The following LDHB variants were observed in gnomAD, a reference collection of about 807,000 sequenced individuals.
LDHB encodes the protein L-lactate dehydrogenase B chain.
A neutral mutation model predicts 33.4 loss-of-function variants in LDHB; 18 were observed. That is an observed-to-expected ratio of 0.54 (90% CI 0.37 to 0.80). The LOEUF is 0.80. Ranked by LOEUF, LDHB falls within the 30% of genes least tolerant of loss-of-function variation. LDHB has a pLI of 0.00. For synonymous variants in LDHB, 121 were observed against 140.6 expected (o/e 0.86, Z 0.98); for missense variants, 345 against 407.9 (o/e 0.85, Z 1.33).
At chr12:21,637,998 A>C (rs1938263001) in intron 6 of LDHB, among the ~76,000 whole-genome samples, 1 of 152,038 alleles carries the variant, frequency 6.6e-6, no homozygotes, top group Non-Finnish European at 1.5e-5. Context: ...ATCAGCAAGC[A>C]AGTTTATTTA....
rs1292923822 is a variant in LDHB at position 21,654,598 on chromosome 12, G to C, written c.74C>G (p.Thr25Ser). The change falls in exon 2 of 8, where the codon ACT (threonine) becomes AGT (serine). Residue 25 changes from threonine to serine, a missense_variant. Thr to Ser is a moderately conservative substitution (Grantham distance 58, BLOSUM62 1). Transcript: ENST00000350669. ...ACCAACTTGTCCAACACCCACTACA[G>C]TGATCTTATTGTTTGGAACTGTTGC... ...EEATVPNNKI[T>S]VVGVGQVGMA... 1.2e-6 allele frequency: 2 copies of C among 1,614,018 alleles called. No individual in the cohort carries two copies. Among genetic ancestry groups the C allele is most frequent in the East Asian group, 2.2e-5 (1 of 44,878 alleles).
At chr12:21,637,817 A>T (rs1677131) in intron 6 of LDHB, among the ~76,000 whole-genome samples, 143,662 of 151,998 alleles carry the variant, frequency 0.95, 68,397 homozygotes, top group East Asian at 1. Flanking sequence ...TCACTTGTAA[A>T]ATAAAGGTAT....
intron 3 of LDHB, among the ~76,000 whole-genome samples, chr12:21,645,826 C>A (rs1242162112): frequency 6.6e-6 from 1 of 152,036 alleles, no homozygotes; most frequent in Non-Finnish European, 1.5e-5. Flanking sequence ...TTCCCTCGGC[C>A]CACTTTTTCT....
rs575687969 is a variant in LDHB at position 21,641,047 on chromosome 12, A to G, written c.595+905T>C. Among the ~76,000 whole-genome samples, 2 of 152,302 alleles carry G rather than the reference A, an allele frequency of 1.3e-5. 1 individual carries two copies. The highest frequency in any genetic ancestry group is 4.8e-5 in the African/African-American group (2 of 41,576). On this transcript the variant is annotated intron_variant, in intron 5 of 7. Transcript: ENST00000350669. ...TGATGGAATTAGTAGATCATGTTTGACAACTATCATGGTAATTTATTCAAC... is the reference window on the plus strand; with the variant it reads ...TGATGGAATTAGTAGATCATGTTTGGCAACTATCATGGTAATTTATTCAAC...
At chr12:21,646,229 G>A (rs974331289) in intron 3 of LDHB, among the ~76,000 whole-genome samples, 2 of 152,196 alleles carry the variant, frequency 1.3e-5, no homozygotes, top group African/African-American at 2.4e-5. Flanking sequence ...AGCTGTGCAG[G>A]CCCTGCCAGA....
chr12:21,645,284 G>T (rs996762459), intron 3 of LDHB, among the ~76,000 whole-genome samples: 1 of 152,138 alleles, frequency 6.6e-6, no homozygotes, highest in Admixed American at 6.5e-5. Context: ...ATTGTCCAAG[G>T]TTTCTCCCCA....
rs1938597391 is a variant in LDHB at position 21,648,683 on chromosome 12, C to A, written c.130-1667G>T. Among the ~76,000 whole-genome samples, 3 of 152,110 alleles carry A rather than the reference C, an allele frequency of 2.0e-5. No homozygotes were observed. In the East Asian group the frequency reaches 5.8e-4, roughly 29 times the overall value. ...GGAGACAGTCAATAAGAAAAGTTGA[C>A]CTACTCAGCTTGTTAGATAAAGCAA... On this transcript the variant is annotated intron_variant, in intron 2 of 7. Coordinates refer to ENST00000350669, the MANE Select transcript of LDHB (RefSeq NM_002300.8).
chr12:21,656,964 T>TC (rs759231748), intron 1 of LDHB: 1 of 151,600 alleles, frequency 6.6e-6, no homozygotes, highest in African/African-American at 2.4e-5. Flanking sequence ...ATTCCTCCCC[T>TC]CCCCCCATTC....
At chr12:21,638,654 A>T in intron 5 of LDHB, 184 bp from the exon 6 acceptor site, 1 of 581,620 alleles carries the variant, frequency 1.7e-6, no homozygotes, top group Non-Finnish European at 3.0e-6. Flanking sequence ...TTTGCCTTCA[A>T]ATAGCAACAT....
chr12:21,637,316 C>A (rs1180504005), intron 6 of LDHB, 122 bp from the exon 7 acceptor site: 10 of 732,060 alleles, frequency 1.4e-5, no homozygotes, highest in Non-Finnish European at 2.1e-5. Flanking sequence ...CCCTTTATTG[C>A]CTTAGTGTTC....
chr12:21,655,698 T>C (rs1938824435), intron 1 of LDHB, among the ~76,000 whole-genome samples: 1 of 152,124 alleles, frequency 6.6e-6, no homozygotes, highest in Non-Finnish European at 1.5e-5. Context: ...ACAGTTTCTG[T>C]CTAACCATCC....
chr12:21,656,749 A>G (rs1184080058), intron 1 of LDHB, among the ~76,000 whole-genome samples: 1 of 152,186 alleles, frequency 6.6e-6, no homozygotes, highest in African/African-American at 2.4e-5. Context: ...CATGATATAC[A>G]GGCCTGTGCC....
chr12:21,638,444 CCA>C lies in LDHB; in HGVS notation c.620_621del (p.Val207GlyfsTer15). 1.2e-6 allele frequency: 2 copies of C among 1,606,882 alleles called. No individual in the cohort carries two copies. Among genetic ancestry groups the C allele is most frequent in the Non-Finnish European group, 1.7e-6 (2 of 1,175,136 alleles). On this transcript the variant is annotated frameshift_variant, in exon 6 of 8. Transcript: ENST00000350669. LOFTEE classifies it high-confidence loss of function. ...SSVAVWSGVNVAGVSLQELNP... is the reference protein window; with the variant it reads ...SSVAVWSGVNXAGVSLQELNP... ...TTCAATTCCTGGAGAGAAACACCTGCCACATTCACACCACTCCACACAGCCAC... is the reference window on the plus strand; with the variant it reads ...TTCAATTCCTGGAGAGAAACACCTGCCATTCACACCACTCCACACAGCCAC...
chr12:21,643,124 A>G (rs1280094179), intron 4 of LDHB, among the ~76,000 whole-genome samples: 2 of 152,222 alleles, frequency 1.3e-5, no homozygotes, highest in Admixed American at 1.3e-4. Context: ...AAATATGGAA[A>G]TAACCTCTGT....
chr12:21,648,492 TAAG>T (rs1207977246), intron 2 of LDHB, among the ~76,000 whole-genome samples: 1 of 151,344 alleles, frequency 6.6e-6, no homozygotes, highest in Non-Finnish European at 1.5e-5. Flanking sequence ...CAACCTCTTC[TAAG>T]AATAGTAGTG....
chr12:21,644,136 C>A, intron 3 of LDHB, 28 bp from the exon 4 acceptor site: 1 of 1,501,080 alleles, frequency 6.7e-7, no homozygotes, highest in Non-Finnish European at 9.3e-7. Flanking sequence ...AAAACAGGTA[C>A]TTTAAATGCA....
intron 2 of LDHB, among the ~76,000 whole-genome samples, chr12:21,652,863 G>A (rs1938734460): frequency 1.3e-5 from 2 of 148,670 alleles, no homozygotes; most frequent in South Asian, 2.1e-4. Flanking sequence ...TGTGCACTAC[G>A]TTTTTTAGTT....
At chr12:21,656,162 C>CA (rs1938838325) in intron 1 of LDHB, among the ~76,000 whole-genome samples, 1 of 152,112 alleles carries the variant, frequency 6.6e-6, no homozygotes, top group Non-Finnish European at 1.5e-5. Context: ...TAGCAGGACT[C>CA]AAAGTTGGAA....
chr12:21,654,689 G>A lies in LDHB; in HGVS notation c.-6-12C>T, dbSNP rs768003209. On this transcript the variant is annotated splice_polypyrimidine_tract_variant and intron_variant, in intron 1 of 7. Transcript: ENST00000350669. ...GTTGCCATTTTGCACTGCAAGGAAA[G>A]AATCAAAACATTACACGTATATCTG... 1.9e-6 allele frequency: 3 copies of A among 1,605,210 alleles called. No individual in the cohort carries two copies. Among genetic ancestry groups the A allele is most frequent in the African/African-American group, 1.3e-5 (1 of 74,758 alleles).
Sources: gnomAD v4.1 joint callset for allele counts (sites outside exome capture counted in the v4.1 genomes callset) on GRCh38, gnomAD v4.1.1 for gene constraint, MANE v1.5 for transcripts, NCBI Gene and HGNC (gene_info 2026-07-23, HGNC 2026-07-21) for gene names.